The following TGFBR1 variants were observed in gnomAD, a reference collection of about 807,000 sequenced individuals.
The protein encoded by TGFBR1 is transforming growth factor beta receptor 1.
A neutral mutation model predicts 55.1 loss-of-function variants in TGFBR1; 20 were observed. The ratio of observed to expected loss-of-function variants is 0.36; its 90% CI spans 0.26 to 0.53. The LOEUF is 0.53. Ranked by LOEUF, TGFBR1 falls within the 20% of genes least tolerant of loss-of-function variation. TGFBR1 has a pLI of 0.91. For missense variants in TGFBR1, 385 were observed against 617.6 expected, an observed-to-expected ratio of 0.62 and a Z score of 3.99; for synonymous variants, 220 against 214.8, an observed-to-expected ratio of 1.02 and a Z score of -0.21.
intron 6 of TGFBR1, among the ~76,000 whole-genome samples, chr9:99,146,268 G>C (rs771414685): frequency 6.6e-6 from 1 of 152,154 alleles, no homozygotes; most frequent in Non-Finnish European, 1.5e-5. Flanking sequence ...TCATGAGGCA[G>C]ATAGTGTGAA....
intron 7 of TGFBR1, 109 bp downstream of exon 7, chr9:99,146,718 G>A: frequency 2.0e-6 from 3 of 1,535,522 alleles, no homozygotes; most frequent in Admixed American, 1.7e-5. Flanking sequence ...ATCTGAAACA[G>A]GATGTCACCG....
Position 99,136,718 on chromosome 9 carries a change from G to C in TGFBR1, c.575-1141G>C, listed in dbSNP as rs190365784. 2.6e-5 allele frequency among the ~76,000 whole-genome samples: 4 copies of C among 152,158 alleles called. No individual in the cohort carries two copies. The East Asian group carries it at 5.8e-4, about 22-fold the overall frequency. ...GAGAAACTTAAGAAGAAGAGCTTCTGATCGCTTTAAAGATTTAACGTTTGG... is the reference window on the plus strand; with the variant it reads ...GAGAAACTTAAGAAGAAGAGCTTCTCATCGCTTTAAAGATTTAACGTTTGG... On this transcript the variant is annotated intron_variant, in intron 3 of 8. Coordinates refer to ENST00000374994, the MANE Select transcript of TGFBR1 (RefSeq NM_004612.4).
chr9:99,116,434 A>G (rs1375183195), intron 1 of TGFBR1, among the ~76,000 whole-genome samples: 2 of 152,214 alleles, frequency 1.3e-5, no homozygotes, highest in Non-Finnish European at 1.5e-5. Flanking sequence ...GGGTGCTTCC[A>G]TCTGATTTAG....
intron 8 of TGFBR1, 114 bp from the exon 9 acceptor site, chr9:99,149,065 TA>T: frequency 9.0e-7 from 1 of 1,116,000 alleles, no homozygotes. Flanking sequence ...AAATAATGCT[TA>T]AACAATAACA....
At position 99,149,384 on chromosome 9, in the gene TGFBR1, C is replaced by A; in HGVS notation, c.*79C>A. 1 of 1,576,498 alleles carries A rather than the reference C, an allele frequency of 6.3e-7. No homozygotes were observed. Among genetic ancestry groups the A allele is most frequent in the Non-Finnish European group, 8.7e-7 (1 of 1,147,808 alleles). ...TAATTTGGGAGGTCAATTGTTCTAC[C>A]TCACTGAGAGGGAACAGAAGGATAT... On this transcript the variant is annotated 3_prime_UTR_variant, in exon 9 of 9. Coordinates refer to ENST00000374994, the MANE Select transcript of TGFBR1 (RefSeq NM_004612.4).
Position 99,145,031 on chromosome 9 carries a change from G to C in TGFBR1, c.1130+143G>C. The C allele has an allele frequency of 4.1e-6, 4 of 975,296 alleles. No homozygotes were observed. In the Admixed American group the frequency reaches 9.0e-5, roughly 22 times the overall value. The allele number at this position is 975,296 out of a possible 1,614,324, so 60.4% of individuals were successfully genotyped here. On this transcript the variant is annotated intron_variant, in intron 6 of 8. Transcript: ENST00000374994. Reference sequence around the variant, plus strand: ...ACAGGTAAGAAGATCTCATGGTCTTGCCTGCTCTGAAGCCAGAGTTACCTG... The same window carrying C: ...ACAGGTAAGAAGATCTCATGGTCTTCCCTGCTCTGAAGCCAGAGTTACCTG...
chr9:99,104,840 T>C (rs1311089231), upstream of TGFBR1, among the ~76,000 whole-genome samples: 1 of 151,708 alleles, frequency 6.6e-6, no homozygotes, highest in Non-Finnish European at 1.5e-5. Context: ...GTGCTGGGGC[T>C]GGCAGACCCC....
At chr9:99,129,311 A>G (rs1298514485) in intron 2 of TGFBR1, among the ~76,000 whole-genome samples, 1 of 152,188 alleles carries the variant, frequency 6.6e-6, no homozygotes, top group Non-Finnish European at 1.5e-5. Flanking sequence ...TCCAGGGTGG[A>G]CTTCCTCTGA....
intron 1 of TGFBR1, among the ~76,000 whole-genome samples, chr9:99,106,416 T>G (rs1588556420): frequency 6.6e-6 from 1 of 152,338 alleles, no homozygotes; most frequent in South Asian, 2.1e-4. Flanking sequence ...TTTCTGAAAC[T>G]GGACAAAAGA....
rs747755454 is a variant in TGFBR1 at position 99,146,474 on chromosome 9, A to AT, written c.1131-3dup. 1.3e-5 allele frequency: 21 copies of AT among 1,613,158 alleles called. No homozygotes were observed. Among genetic ancestry groups the AT allele is most frequent in the East Asian group, 2.2e-5 (1 of 44,856 alleles). On this transcript the variant is annotated splice_polypyrimidine_tract_variant and intron_variant, in intron 6 of 8. Coordinates refer to ENST00000374994, the MANE Select transcript of TGFBR1 (RefSeq NM_004612.4). ...ATGATTTTCAAAGTTCTTTTTGCAA[A>AT]TTTTTTTTAGGTACATGGCCCCTGA...
rs1184786356 is a variant in TGFBR1, at chr9:99,153,072, AC to A, written c.*3771del. 2.6e-5 allele frequency: 6 copies of A among 228,124 alleles called. No homozygotes were observed. Among genetic ancestry groups the A allele is most frequent in the South Asian group, 1.8e-4 (1 of 5,480 alleles). 14.1% of individuals were successfully genotyped at this position (228,124 alleles called of 1,614,324 possible). On this transcript the variant is annotated 3_prime_UTR_variant, in exon 9 of 9. Transcript: ENST00000374994. ...TGAATATCATGAACCATGTTTTGAT[AC>A]CCCTTTTTCACGTTGTGCCAACGGA... is the stretch of plus-strand genomic sequence containing the variant.
At position 99,151,384 on chromosome 9, in the gene TGFBR1, G is replaced by A; in HGVS notation, c.*2079G>A. 4.5e-6 allele frequency: 1 copy of A among 221,746 alleles called. No individual in the cohort carries two copies. Among genetic ancestry groups the A allele is most frequent in the African/African-American group, 2.4e-5 (1 of 42,408 alleles). 13.7% of individuals were successfully genotyped at this position (221,746 alleles called of 1,614,324 possible). ...CTGTGATCAGGTACTTTTTTTGTGGGGGTTTTTTTTTTGTTTTTTTTTTTT... is the reference window on the plus strand; with the variant it reads ...CTGTGATCAGGTACTTTTTTTGTGGAGGTTTTTTTTTTGTTTTTTTTTTTT... On this transcript the variant is annotated 3_prime_UTR_variant, in exon 9 of 9. Coordinates refer to ENST00000374994, the MANE Select transcript of TGFBR1 (RefSeq NM_004612.4).
chr9:99,117,081 A>G (rs575854855), intron 1 of TGFBR1, among the ~76,000 whole-genome samples: 1 of 152,162 alleles, frequency 6.6e-6, no homozygotes, highest in South Asian at 2.1e-4. Flanking sequence ...ATTTTGTTTG[A>G]CAAGGGAGAT....
chr9:99,154,118 C>T lies in TGFBR1; in HGVS notation c.*4813C>T. On this transcript the variant is annotated 3_prime_UTR_variant, in exon 9 of 9. Transcript: ENST00000374994. ...TAGGGATTTTTTTTTTTCCTTATAA[C>T]AAAGACATCACCAGGATATGAAGCT... The T allele has an allele frequency of 4.4e-6, 1 of 226,216 alleles. No homozygotes were observed. The highest frequency in any genetic ancestry group is 8.8e-6 in the Non-Finnish European group (1 of 113,886). 14.0% of individuals were successfully genotyped at this position (226,216 alleles called of 1,614,324 possible). A position where few individuals can be genotyped will look rare whatever the true frequency, so the allele number is the denominator to read the frequency against.
intron 1 of TGFBR1, among the ~76,000 whole-genome samples, chr9:99,112,032 C>T (rs10819638): frequency 0.2 from 30,774 of 151,980 alleles, 3,343 homozygotes; most frequent in East Asian, 0.43. Flanking sequence ...GGAGAAAGAG[C>T]ATTCTAAGTT....
chr9:99,127,690 T>G (rs1351674119), intron 1 of TGFBR1: 13 of 336,424 alleles, frequency 3.9e-5, no homozygotes, highest in Admixed American at 3.3e-4. Context: ...GCCACTCCTT[T>G]TCTAGGTAGA....
At chr9:99,133,216 A>G (rs934358025) in intron 3 of TGFBR1, among the ~76,000 whole-genome samples, 1 of 152,230 alleles carries the variant, frequency 6.6e-6, no homozygotes, top group African/African-American at 2.4e-5. Context: ...ACATTATATG[A>G]AATTGTCTTT....
At chr9:99,147,830 G>T (rs767988468) in intron 8 of TGFBR1, 46 bp downstream of exon 8, 2 of 1,609,670 alleles carry the variant, frequency 1.2e-6, no homozygotes, top group Non-Finnish European at 8.5e-7. Flanking sequence ...AACTGCTTCT[G>T]CTTAGTAAGC....
chr9:99,105,400 G>A (rs1416674616), intron 1 of TGFBR1, 98 bp downstream of exon 1: 75 of 955,280 alleles, frequency 7.9e-5, no homozygotes, highest in Non-Finnish European at 8.9e-5. Context: ...CGCGGGGCCG[G>A]GGGCGCAGGT....
Sources: gnomAD v4.1 joint callset for allele counts (sites outside exome capture counted in the v4.1 genomes callset) on GRCh38, gnomAD v4.1.1 for gene constraint, MANE v1.5 for transcripts, NCBI Gene and HGNC (gene_info 2026-07-23, HGNC 2026-07-21) for gene names.